Variants in PAPPA2 observed in about 807,000 individuals in gnomAD.
PAPPA2 encodes the protein pappalysin 2.
PAPPA2 carries 86 observed loss-of-function variants against 176.4 expected under a neutral mutation model. The ratio of observed to expected loss-of-function variants is 0.49; its 90% CI spans 0.41 to 0.58. The LOEUF is 0.58. PAPPA2 is among the 20% of genes least tolerant of loss of function. The probability of loss-of-function intolerance (pLI) is 0.00; values close to 1 mark genes in which losing one functional copy is unlikely to be tolerated. For synonymous variants in PAPPA2, 809 were observed against 852.2 expected, an observed-to-expected ratio of 0.95 and a Z score of 0.88; for missense variants, 2,073 against 2,256.9, an observed-to-expected ratio of 0.92 and a Z score of 1.65.
intron 4 of PAPPA2, among the ~76,000 whole-genome samples, chr1:176,677,124 C>G (rs903490369): frequency 6.6e-6 from 1 of 152,060 alleles, no homozygotes; most frequent in African/African-American, 2.4e-5. Flanking sequence ...TCAATCATAA[C>G]TGATTAAACA....
chr1:176,550,625 G>C lies in PAPPA2; in HGVS notation c.-916-4782G>C, dbSNP rs186331055. ...GTGTTGGGAAACTTAACCTGTCCAT[G>C]ACATACTTTGATCTATTTGGATGGA... On this transcript the variant is annotated intron_variant, in intron 1 of 22. Coordinates refer to ENST00000367662, the MANE Select transcript of PAPPA2 (RefSeq NM_020318.3). Among the ~76,000 whole-genome samples the C allele has an allele frequency of 2.0e-4, 30 of 152,304 alleles. No individual in the cohort carries two copies. In the South Asian group the frequency reaches 2.7e-3, roughly 14 times the overall value.
chr1:176,814,257 G>T (rs1438129287), intron 21 of PAPPA2, among the ~76,000 whole-genome samples: 1 of 152,076 alleles, frequency 6.6e-6, no homozygotes, highest in Non-Finnish European at 1.5e-5. Flanking sequence ...GATTATATTG[G>T]CCATTTGGGC....
At chr1:176,530,549 C>A (rs748829742) in intron 1 of PAPPA2, among the ~76,000 whole-genome samples, 23 of 151,558 alleles carry the variant, frequency 1.5e-4, no homozygotes, top group South Asian at 2.1e-4. Context: ...CTTGTTAAAT[C>A]AAAAATAAAG....
chr1:176,736,105 C>A (rs535104206), intron 12 of PAPPA2, among the ~76,000 whole-genome samples: 3 of 152,178 alleles, frequency 2.0e-5, no homozygotes, highest in East Asian at 3.9e-4. Flanking sequence ...CATCTCAGAT[C>A]TGAGTAGCTC....
intron 1 of PAPPA2, among the ~76,000 whole-genome samples, chr1:176,541,691 T>C (rs1650372886): frequency 6.6e-6 from 1 of 152,206 alleles, no homozygotes. Context: ...ATAAACACTT[T>C]AACGAGAAGT....
chr1:176,750,231 TA>T (rs201434642), intron 14 of PAPPA2, among the ~76,000 whole-genome samples: 2 of 150,784 alleles, frequency 1.3e-5, no homozygotes, highest in Admixed American at 1.3e-4. Flanking sequence ...CCCTGTACAG[TA>T]AAAAAAAATG....
chr1:176,606,827 C>T (rs968878319), intron 3 of PAPPA2, among the ~76,000 whole-genome samples: 11 of 152,100 alleles, frequency 7.2e-5, no homozygotes, highest in African/African-American at 2.7e-4. Context: ...AGGTCAGTTA[C>T]ATGAACCAAA....
chr1:176,615,425 C>T (rs1012224549), intron 3 of PAPPA2, among the ~76,000 whole-genome samples: 2 of 152,206 alleles, frequency 1.3e-5, no homozygotes, highest in African/African-American at 4.8e-5. Context: ...ATTCTCCTGC[C>T]TCAGCCTCCC....
At chr1:176,707,882 C>T (rs1164746827) in intron 10 of PAPPA2, among the ~76,000 whole-genome samples, 7 of 152,126 alleles carry the variant, frequency 4.6e-5, no homozygotes, top group African/African-American at 1.7e-4. Flanking sequence ...CCAAACATCC[C>T]CTCATGTGAT....
intron 1 of PAPPA2, among the ~76,000 whole-genome samples, chr1:176,477,749 A>C (rs1290122977): frequency 7.0e-6 from 1 of 143,096 alleles, no homozygotes; most frequent in Non-Finnish European, 1.5e-5. Context: ...CATCTCAAAA[A>C]ATAAATAAAT....
chr1:176,648,177 A>G (rs891957883), intron 3 of PAPPA2, among the ~76,000 whole-genome samples: 5 of 151,400 alleles, frequency 3.3e-5, no homozygotes, highest in Admixed American at 1.3e-4. Context: ...ATTCCTAGAT[A>G]TTTTATATTC....
In PAPPA2 at chr1:176,769,729, A is replaced by G; in HGVS notation, c.4446A>G (p.Gly1482=). 6.2e-7 allele frequency: 1 copy of G among 1,612,920 alleles called. No individual in the cohort carries two copies. Among genetic ancestry groups the G allele is most frequent in the Non-Finnish European group, 8.5e-7 (1 of 1,179,764 alleles). ...ATGCAAACTTCTCCTGCTCAGAGGG[A>G]ACCAAATTTCTGAAACGCTGCTCAA... ...VNYANFSCSE[G]TKFLKRCSIS... Residue 1482 remains glycine (G), a synonymous_variant, in exon 16 of 23, where the codon GGA becomes GGG. Coordinates refer to ENST00000367662, the MANE Select transcript of PAPPA2 (RefSeq NM_020318.3).
intron 12 of PAPPA2, among the ~76,000 whole-genome samples, chr1:176,716,231 C>CTTTTTTT (rs371904164): frequency 2.3e-4 from 30 of 133,218 alleles, no homozygotes; most frequent in African/African-American, 3.4e-4. Context: ...TAACCTCTTT[C>CTTTTTTT]TTTTTTTTTT....
chr1:176,759,661 T>C (rs1331021436), intron 14 of PAPPA2, among the ~76,000 whole-genome samples: 1 of 152,146 alleles, frequency 6.6e-6, no homozygotes, highest in Non-Finnish European at 1.5e-5. Flanking sequence ...GCTCCCCGAA[T>C]ATGGACCTGT....
chr1:176,639,756 C>T (rs1468151117), intron 3 of PAPPA2, among the ~76,000 whole-genome samples: 2 of 150,000 alleles, frequency 1.3e-5, no homozygotes, highest in Non-Finnish European at 3.0e-5. Flanking sequence ...CTCTTGTTGC[C>T]CAGGCTGGAG....
At chr1:176,633,802 C>T (rs868646992) in intron 3 of PAPPA2, among the ~76,000 whole-genome samples, 10 of 152,142 alleles carry the variant, frequency 6.6e-5, no homozygotes, top group Admixed American at 1.3e-4. Flanking sequence ...AGACACTTCT[C>T]GAAAGAAGAC....
intron 3 of PAPPA2, among the ~76,000 whole-genome samples, chr1:176,667,975 C>T (rs10913238): frequency 0.25 from 37,966 of 151,964 alleles, 4,887 homozygotes; most frequent in South Asian, 0.34. Context: ...AGCCAGCTGT[C>T]GGGGCATGGC....
chr1:176,764,664 T>G (rs1663859988), intron 14 of PAPPA2, among the ~76,000 whole-genome samples: 1 of 151,644 alleles, frequency 6.6e-6, no homozygotes, highest in Non-Finnish European at 1.5e-5. Flanking sequence ...TGGCGAGATC[T>G]GGGCTCACTG....
intron 7 of PAPPA2, among the ~76,000 whole-genome samples, chr1:176,698,419 T>C (rs569963449): frequency 1.3e-5 from 2 of 152,324 alleles, no homozygotes; most frequent in South Asian, 2.1e-4. Context: ...ACCATTTGGG[T>C]AGATTACTTC....
Sources: allele counts gnomAD v4.1 joint callset (sites outside exome capture counted in the v4.1 genomes callset), GRCh38; gene constraint gnomAD v4.1.1; transcripts MANE v1.5; gene names NCBI Gene and HGNC (gene_info 2026-07-23, HGNC 2026-07-21).